The following COP1 variants were observed in gnomAD, a reference collection of about 807,000 sequenced individuals.
COP1 encodes COP1 E3 ubiquitin ligase.
In COP1, 24 loss-of-function variants were observed where a neutral mutation model predicts 101.3. The observed-to-expected ratio is 0.24, with a 90% CI of 0.17 to 0.33. The LOEUF (loss-of-function observed/expected upper bound fraction) is 0.33. Ranked by LOEUF, COP1 falls within the 10% of genes least tolerant of loss-of-function variation. COP1 has a pLI of 1.00. For missense variants in COP1, 663 were observed against 906.2 expected (o/e 0.73, Z 3.45); for synonymous variants, 347 against 341.9 (o/e 1.01, Z -0.17).
At position 176,206,834 on chromosome 1, in the gene COP1, A is replaced by T. The variant is rs1700914561; in HGVS notation, c.145T>A (p.Ser49Thr). The T allele has an allele frequency of 7.1e-7, 1 of 1,414,136 alleles. No individual in the cohort carries two copies. The highest frequency in any genetic ancestry group is 1.5e-5 in the South Asian group (1 of 68,420). 87.6% of individuals were successfully genotyped at this position (1,414,136 alleles called of 1,614,324 possible). The change falls in exon 1 of 20, where the codon TCC becomes ACC. Residue 49 changes from serine to threonine, a missense_variant. By Grantham distance (58) the Ser-to-Thr change is moderately conservative (BLOSUM62 1). Coordinates refer to ENST00000367669, the MANE Select transcript of COP1 (RefSeq NM_022457.7). ...SVAVSAAALVSGGVAQAAGSG... is the reference protein window; with the variant it reads ...SVAVSAAALVTGGVAQAAGSG... ...CCGGCGGCCTGGGCCACCCCGCCGG[A>T]CACCAGCGCTGCCGCCGAAACCGCC...
At chr1:176,053,142 C>G (rs1396866981) in intron 11 of COP1, among the ~76,000 whole-genome samples, 1 of 152,074 alleles carries the variant, frequency 6.6e-6, no homozygotes, top group Admixed American at 6.6e-5. Flanking sequence ...CTCTCTCCAC[C>G]CAGATAAGCC....
At chr1:176,145,748 C>T (rs554443961) in intron 6 of COP1, among the ~76,000 whole-genome samples, 38 of 150,716 alleles carry the variant, frequency 2.5e-4, no homozygotes, top group African/African-American at 8.9e-4. Context: ...TTACATACTG[C>T]ACAAGCACAC....
chr1:176,091,769 CAG>C (rs2149456098), intron 9 of COP1, among the ~76,000 whole-genome samples: 1 of 151,684 alleles, frequency 6.6e-6, no homozygotes, highest in African/African-American at 2.4e-5. Flanking sequence ...CTGAGAAAAA[CAG>C]AAGTATAATA....
chr1:176,003,828 A>G, intron 15 of COP1, among the ~76,000 whole-genome samples: 1 of 151,848 alleles, frequency 6.6e-6, no homozygotes, highest in Non-Finnish European at 1.5e-5. Context: ...TGACTTGGCG[A>G]TGTGGGCTCT....
At chr1:176,029,869 T>C (rs1207978902) in intron 14 of COP1, among the ~76,000 whole-genome samples, 2 of 152,232 alleles carry the variant, frequency 1.3e-5, no homozygotes, top group Non-Finnish European at 2.9e-5. Context: ...CAAAAAATAT[T>C]GCTAATTTAC....
intron 3 of COP1, among the ~76,000 whole-genome samples, chr1:176,169,711 C>G (rs1044318051): frequency 6.6e-6 from 1 of 152,198 alleles, no homozygotes; most frequent in African/African-American, 2.4e-5. Context: ...TTGACGGCTG[C>G]TGACTGATCA....
In COP1 at chr1:175,967,488, A is replaced by AAAACAAAC. The variant is rs71129535; in HGVS notation, c.2133+19447_2133+19454dup. Among the ~76,000 whole-genome samples, 323 of 151,092 alleles carry AAAACAAAC rather than the reference A, an allele frequency of 2.1e-3. 9 individuals are homozygous for AAAACAAAC. In the South Asian group the frequency reaches 0.047, roughly 22 times the overall value. ...GTGACACAGTGAGACTCAGTCTCAA[A>AAAACAAAC]AAACAAACAAACAAACAAACAAACA... On this transcript the variant is annotated intron_variant, in intron 18 of 19. Transcript: ENST00000367669.
At chr1:175,989,579 T>C (rs1657924136) in intron 15 of COP1, 100 bp from the exon 16 acceptor site, 4 of 658,556 alleles carry the variant, frequency 6.1e-6, no homozygotes, top group Non-Finnish European at 2.8e-6. Context: ...GTTTCACATA[T>C]GATGTCTAAT....
intron 6 of COP1, 52 bp downstream of exon 6, chr1:176,148,954 A>G: frequency 8.8e-7 from 1 of 1,134,824 alleles, no homozygotes. Context: ...CAAAATGGGA[A>G]CAGTTAACAA....
At chr1:175,946,391 T>C (rs1302370176) in intron 19 of COP1, among the ~76,000 whole-genome samples, 1 of 152,204 alleles carries the variant, frequency 6.6e-6, no homozygotes, top group Non-Finnish European at 1.5e-5. Context: ...TATTCTCCAC[T>C]TATGATGAGT....
chr1:176,058,140 G>GT (rs1553244741), intron 11 of COP1, among the ~76,000 whole-genome samples: 3 of 141,216 alleles, frequency 2.1e-5, no homozygotes, highest in Non-Finnish European at 3.2e-5. Flanking sequence ...TGGGGTGGGG[G>GT]GGGGGTCAGC....
chr1:176,057,506 C>T (rs1318360192), intron 11 of COP1, among the ~76,000 whole-genome samples: 2 of 152,184 alleles, frequency 1.3e-5, no homozygotes, highest in East Asian at 1.9e-4. Context: ...GATTGGTTTT[C>T]GTATTTTTTT....
intron 11 of COP1, among the ~76,000 whole-genome samples, chr1:176,070,649 A>G (rs1223768245): frequency 1.3e-5 from 2 of 152,046 alleles, no homozygotes; most frequent in Non-Finnish European, 2.9e-5. Flanking sequence ...GCAACAGAGC[A>G]AGACTCCATT....
chr1:176,157,064 G>A (rs1693569659), intron 5 of COP1, among the ~76,000 whole-genome samples: 1 of 151,974 alleles, frequency 6.6e-6, no homozygotes, highest in African/African-American at 2.4e-5. Flanking sequence ...CGAGGGGGGT[G>A]GTGTGTGCCA....
chr1:176,098,996 G>A (rs971270614), intron 9 of COP1, among the ~76,000 whole-genome samples: 1 of 152,168 alleles, frequency 6.6e-6, no homozygotes, highest in African/African-American at 2.4e-5. Flanking sequence ...TTTCAAAACT[G>A]TATGGGATTC....
chr1:176,013,936 C>T (rs529169153), intron 15 of COP1, among the ~76,000 whole-genome samples: 8 of 152,000 alleles, frequency 5.3e-5, no homozygotes, highest in Non-Finnish European at 7.4e-5. Flanking sequence ...TTACTCAGCC[C>T]GATTTTATAA....
intron 15 of COP1, among the ~76,000 whole-genome samples, chr1:176,017,788 G>C (rs1422417035): frequency 1.3e-5 from 2 of 152,168 alleles, no homozygotes; most frequent in Non-Finnish European, 2.9e-5. Context: ...GCCTCCCAAA[G>C]TGCTGGGATT....
At chr1:176,183,154 A>T (rs1203724489) in intron 2 of COP1, among the ~76,000 whole-genome samples, 1 of 152,210 alleles carries the variant, frequency 6.6e-6, no homozygotes, top group Non-Finnish European at 1.5e-5. Context: ...GAGGGAATAC[A>T]CCTATCACTA....
chr1:176,028,788 C>T (rs1668175996), intron 14 of COP1, among the ~76,000 whole-genome samples: 1 of 145,220 alleles, frequency 6.9e-6, no homozygotes, highest in South Asian at 2.2e-4. Context: ...TCTCCTCACT[C>T]TGTCATTCAG....
Sources: allele counts gnomAD v4.1 joint callset (sites outside exome capture counted in the v4.1 genomes callset), GRCh38; gene constraint gnomAD v4.1.1; transcripts MANE v1.5; gene names NCBI Gene and HGNC (gene_info 2026-07-23, HGNC 2026-07-21).